The following NPAS3 variants were observed in gnomAD, a reference collection of about 807,000 sequenced individuals.
NPAS3 encodes neuronal PAS domain protein 3, also known as neuronal PAS domain-containing protein 3.
In NPAS3, 14 loss-of-function variants were observed where a neutral mutation model predicts 73.1. The observed-to-expected ratio is 0.19, with a 90% CI of 0.13 to 0.30. The LOEUF is 0.30. Among genes scored for constraint, NPAS3 ranks in the 10% least tolerant of loss-of-function variants. The pLI, the probability that NPAS3 is intolerant of heterozygous loss-of-function variation, is 1.00. For synonymous variants in NPAS3, 620 were observed against 541.5 expected (o/e 1.14, Z -2.01); for missense variants, 1,096 against 1,250.0 (o/e 0.88, Z 1.86).
chr14:33,230,866 A>C (rs541964130), intron 3 of NPAS3, among the ~76,000 whole-genome samples: 2 of 152,334 alleles, frequency 1.3e-5, no homozygotes, highest in South Asian at 4.1e-4. Flanking sequence ...TCAGAATGCA[A>C]ACCACTTATG....
intron 2 of NPAS3, among the ~76,000 whole-genome samples, chr14:33,056,451 A>G (rs905561454): frequency 2.1e-4 from 32 of 152,224 alleles, no homozygotes; most frequent in Admixed American, 1.4e-3. Flanking sequence ...GTCAAATTAT[A>G]CTGTCATGTA....
At chr14:32,971,189 A>G (rs1251782468) in intron 1 of NPAS3, among the ~76,000 whole-genome samples, 2 of 151,748 alleles carry the variant, frequency 1.3e-5, no homozygotes, top group East Asian at 1.9e-4. Flanking sequence ...GGTTCAGGCA[A>G]TTCTCCTGCC....
intron 2 of NPAS3, among the ~76,000 whole-genome samples, chr14:33,154,438 GC>G (rs1196883057): frequency 6.6e-6 from 1 of 152,212 alleles, no homozygotes; most frequent in Non-Finnish European, 1.5e-5. Flanking sequence ...TGCGCTTTGA[GC>G]CCCATCGACC....
chr14:33,078,451 A>G (rs1275128934), intron 2 of NPAS3, among the ~76,000 whole-genome samples: 1 of 152,012 alleles, frequency 6.6e-6, no homozygotes, highest in Non-Finnish European at 1.5e-5. Context: ...TGCCTACATC[A>G]CCATCTATGG....
intron 2 of NPAS3, among the ~76,000 whole-genome samples, chr14:33,154,177 G>T (rs913135744): frequency 6.6e-6 from 1 of 152,152 alleles, no homozygotes; most frequent in Non-Finnish European, 1.5e-5. Context: ...TGGGCAGTTA[G>T]CTGCCAGAGC....
intron 4 of NPAS3, among the ~76,000 whole-genome samples, chr14:33,482,029 G>GA (rs2051350703): frequency 6.7e-6 from 1 of 148,202 alleles, no homozygotes; most frequent in African/African-American, 2.5e-5. Context: ...ACAGGCAGTG[G>GA]AAAATTCATG....
chr14:33,242,236 T>C (rs2048234659), intron 3 of NPAS3, among the ~76,000 whole-genome samples: 1 of 152,012 alleles, frequency 6.6e-6, no homozygotes, highest in Non-Finnish European at 1.5e-5. Context: ...ATGCAAGATG[T>C]ATTTTGGTTT....
chr14:33,510,262 C>G (rs948985534), intron 4 of NPAS3, among the ~76,000 whole-genome samples: 2 of 152,016 alleles, frequency 1.3e-5, no homozygotes, highest in African/African-American at 2.4e-5. Flanking sequence ...TTTGCTTAAA[C>G]CTTGTCTCAC....
intron 3 of NPAS3, among the ~76,000 whole-genome samples, chr14:33,257,563 C>T (rs1009464291): frequency 7.2e-5 from 11 of 152,100 alleles, no homozygotes; most frequent in African/African-American, 9.7e-5. Flanking sequence ...AGTGTGCTGA[C>T]GGGATTGCTT....
chr14:33,451,432 T>C (rs538746016), intron 4 of NPAS3, among the ~76,000 whole-genome samples: 1 of 152,326 alleles, frequency 6.6e-6, no homozygotes, highest in Admixed American at 6.5e-5. Flanking sequence ...GTAATAGAAC[T>C]GACAGCACAG....
At chr14:33,016,630 A>AC (rs1194009467) in intron 1 of NPAS3, among the ~76,000 whole-genome samples, 4 of 151,444 alleles carry the variant, frequency 2.6e-5, no homozygotes, top group African/African-American at 9.7e-5. Flanking sequence ...AAAAAAAAAA[A>AC]AACGACCTAA....
intron 4 of NPAS3, among the ~76,000 whole-genome samples, chr14:33,462,891 T>G (rs1295103249): frequency 6.6e-6 from 1 of 152,078 alleles, no homozygotes; most frequent in Non-Finnish European, 1.5e-5. Flanking sequence ...GATAAAAGGG[T>G]GAGGATAAAA....
At chr14:33,115,867 C>G (rs533257482) in intron 2 of NPAS3, among the ~76,000 whole-genome samples, 3 of 152,152 alleles carry the variant, frequency 2.0e-5, no homozygotes, top group South Asian at 2.1e-4. Flanking sequence ...AGGGAGAAAT[C>G]TCTATGATAG....
chr14:33,094,587 T>C (rs2042343064), intron 2 of NPAS3, among the ~76,000 whole-genome samples: 2 of 151,712 alleles, frequency 1.3e-5, no homozygotes, highest in Admixed American at 1.3e-4. Context: ...TGCCTCAGCC[T>C]CTCGAGTAGC....
intron 1 of NPAS3, among the ~76,000 whole-genome samples, chr14:33,016,849 A>G (rs147742274): frequency 6.6e-6 from 1 of 152,302 alleles, no homozygotes; most frequent in East Asian, 1.9e-4. Context: ...TGCACATTCC[A>G]GGCGTTTCAT....
At position 33,196,189 on chromosome 14, in the gene NPAS3, C is replaced by G. The variant is rs536857861; in HGVS notation, c.141-18993C>G. Among the ~76,000 whole-genome samples, 7 of 152,260 alleles carry G rather than the reference C, an allele frequency of 4.6e-5. No individual in the cohort carries two copies. In the South Asian group the frequency reaches 1.5e-3, roughly 32 times the overall value. ...CATATTTTTCCTTACATTGAATAGC[C>G]TCCTATGTGTACCATCTGTACCTAC... On this transcript the variant is annotated intron_variant, in intron 2 of 11. Coordinates refer to ENST00000356141, the Ensembl canonical transcript of NPAS3.
At chr14:33,362,804 C>T (rs1250274132) in intron 3 of NPAS3, among the ~76,000 whole-genome samples, 2 of 152,106 alleles carry the variant, frequency 1.3e-5, no homozygotes, top group Non-Finnish European at 2.9e-5. Flanking sequence ...TAAGGAAGTA[C>T]CTCTGAAATG....
chr14:33,464,990 C>T (rs1302623720), intron 4 of NPAS3, among the ~76,000 whole-genome samples: 1 of 152,130 alleles, frequency 6.6e-6, no homozygotes, highest in Non-Finnish European at 1.5e-5. Flanking sequence ...ATTATCTTTC[C>T]ATTCACTATA....
At chr14:33,786,355 A>C (rs1411136616) in intron 9 of NPAS3, among the ~76,000 whole-genome samples, 2 of 152,244 alleles carry the variant, frequency 1.3e-5, no homozygotes, top group Admixed American at 6.5e-5. Flanking sequence ...ACTAGTTTTT[A>C]CATACCTGTG....
Sources: allele counts gnomAD v4.1 joint callset (sites outside exome capture counted in the v4.1 genomes callset), GRCh38; gene constraint gnomAD v4.1.1; transcripts MANE v1.5; gene names NCBI Gene and HGNC (gene_info 2026-07-23, HGNC 2026-07-21).